The following TBC1D15 variants were observed in gnomAD, a reference collection of about 807,000 sequenced individuals.
The protein encoded by TBC1D15 is GAP for RAB7.
A neutral mutation model predicts 95.4 loss-of-function variants in TBC1D15; 39 were observed. The ratio of observed to expected loss-of-function variants is 0.41; its 90% CI spans 0.32 to 0.53. TBC1D15 has a LOEUF of 0.53. Ranked by LOEUF, TBC1D15 falls within the 20% of genes least tolerant of loss-of-function variation. The pLI, the probability that TBC1D15 is intolerant of heterozygous loss-of-function variation, is 0.29. For synonymous variants in TBC1D15, 258 were observed against 261.3 expected, an observed-to-expected ratio of 0.99 and a Z score of 0.12; for missense variants, 733 against 794.3, an observed-to-expected ratio of 0.92 and a Z score of 0.93.
chr12:71,877,540 C>T (rs1387489822), intron 3 of TBC1D15, among the ~76,000 whole-genome samples: 3 of 124,798 alleles, frequency 2.4e-5, no homozygotes, highest in African/African-American at 7.8e-5. Flanking sequence ...TCCTTCCTTC[C>T]TTCCTTCCTT....
intron 11 of TBC1D15, among the ~76,000 whole-genome samples, chr12:71,910,025 A>G (rs1219938343): frequency 6.6e-6 from 1 of 152,034 alleles, no homozygotes; most frequent in African/African-American, 2.4e-5. Flanking sequence ...ATCCATCTTG[A>G]ATTAATTTTT....
intron 1 of TBC1D15, among the ~76,000 whole-genome samples, chr12:71,864,355 A>G (rs1236285247): frequency 1.3e-5 from 2 of 152,100 alleles, no homozygotes; most frequent in African/African-American, 2.4e-5. Context: ...GGTGTGAGCT[A>G]CTGCACCCGG....
Position 71,918,754 on chromosome 12 carries a change from T to C in TBC1D15, c.1599+206T>C, listed in dbSNP as rs1170032268. ...TGGAGCTTCGTTCTTCAAATCACAA[T>C]CTCTGTGAGATTTGGGGCCAAGAGG... On this transcript the variant is annotated intron_variant, in intron 14 of 16. Coordinates refer to ENST00000485960, the MANE Select transcript of TBC1D15 (RefSeq NM_001146213.3). 2.0e-5 allele frequency among the ~76,000 whole-genome samples: 3 copies of C among 152,338 alleles called. No homozygotes were observed. In the East Asian group the frequency reaches 5.8e-4, roughly 29 times the overall value.
rs755022411 is a variant in TBC1D15 at position 71,894,825 on chromosome 12, C to G, written c.797C>G (p.Ala266Gly). Residue 266 changes from alanine (A) to glycine (G), a missense_variant, in exon 7 of 17, where the codon GCT (alanine) becomes GGT (glycine). Coordinates refer to ENST00000485960, the MANE Select transcript of TBC1D15 (RefSeq NM_001146213.3). ...PSEMADFLSD[A>G]IPGLKINQQE... ...GAAATGGCAGATTTTCTTAGTGATGCTATTCCAGGTCTAAAGATAAATCAA... is the reference window on the plus strand; with the variant it reads ...GAAATGGCAGATTTTCTTAGTGATGGTATTCCAGGTCTAAAGATAAATCAA... The G allele has an allele frequency of 1.9e-6, 3 of 1,613,144 alleles. No homozygotes were observed. Among genetic ancestry groups the G allele is most frequent in the South Asian group, 2.2e-5 (2 of 91,042 alleles).
At chr12:71,887,251 A>T (rs1025049618) in intron 5 of TBC1D15, among the ~76,000 whole-genome samples, 2 of 152,148 alleles carry the variant, frequency 1.3e-5, no homozygotes, top group Admixed American at 6.5e-5. Flanking sequence ...TTTTTACTTG[A>T]TCAACTATCA....
intron 5 of TBC1D15, among the ~76,000 whole-genome samples, chr12:71,886,318 G>C (rs1031768202): frequency 6.6e-6 from 1 of 152,064 alleles, no homozygotes; most frequent in East Asian, 1.9e-4. Flanking sequence ...ACAGGCGTGC[G>C]CCACCACGGT....
intron 5 of TBC1D15, among the ~76,000 whole-genome samples, chr12:71,888,823 G>C (rs1203648293): frequency 6.7e-6 from 1 of 150,194 alleles, no homozygotes; most frequent in Non-Finnish European, 1.5e-5. Context: ...TGAAGCCATA[G>C]AATGTTCCTT....
At chr12:71,910,184 T>C (rs1218752515) in intron 11 of TBC1D15, among the ~76,000 whole-genome samples, 1 of 152,050 alleles carries the variant, frequency 6.6e-6, no homozygotes, top group Non-Finnish European at 1.5e-5. Flanking sequence ...ATATGCGACG[T>C]TATTTCTGAG....
chr12:71,912,489 C>T (rs1902633997), intron 11 of TBC1D15, among the ~76,000 whole-genome samples: 1 of 152,062 alleles, frequency 6.6e-6, no homozygotes, highest in African/African-American at 2.4e-5. Flanking sequence ...TGAGCTGAAA[C>T]TTTATTTGTA....
intron 1 of TBC1D15, among the ~76,000 whole-genome samples, chr12:71,851,142 G>A (rs150301392): frequency 2.4e-4 from 37 of 152,188 alleles, no homozygotes; most frequent in Middle Eastern, 3.4e-3. Context: ...TACATTCATG[G>A]TGGAAGGCAA....
chr12:71,857,757 CAT>C (rs1240762594), intron 1 of TBC1D15, among the ~76,000 whole-genome samples: 4 of 152,166 alleles, frequency 2.6e-5, no homozygotes, highest in Admixed American at 2.0e-4. Flanking sequence ...TTAATTATAT[CAT>C]GTGATAGTGC....
intron 3 of TBC1D15, among the ~76,000 whole-genome samples, chr12:71,877,950 A>G (rs749712505): frequency 1.3e-5 from 2 of 152,194 alleles, no homozygotes; most frequent in Non-Finnish European, 2.9e-5. Context: ...CAGATGCACA[A>G]CAGTGATTAT....
chr12:71,880,291 CTT>C (rs534954705), intron 3 of TBC1D15, among the ~76,000 whole-genome samples, 176 bp from the exon 4 acceptor site: 12 of 136,558 alleles, frequency 8.8e-5, no homozygotes, highest in South Asian at 2.4e-4. Flanking sequence ...GCTTCTCTTC[CTT>C]TTTTTTTTTT....
At chr12:71,894,985 A>G in intron 7 of TBC1D15, 102 bp downstream of exon 7, 1 of 1,139,466 alleles carries the variant, frequency 8.8e-7, no homozygotes, top group Non-Finnish European at 1.2e-6. Context: ...TCTTTCCATA[A>G]TCTGTTCTTA....
intron 10 of TBC1D15, among the ~76,000 whole-genome samples, chr12:71,905,411 A>G (rs1023080297): frequency 2.6e-5 from 4 of 152,002 alleles, no homozygotes; most frequent in Admixed American, 2.6e-4. Flanking sequence ...CTGCAGCCTC[A>G]ACTTCCTGGG....
chr12:71,849,258 C>T (rs1001079477), intron 1 of TBC1D15: 30 of 667,932 alleles, frequency 4.5e-5, no homozygotes, highest in Non-Finnish European at 7.6e-5. Flanking sequence ...GATCCAAGTG[C>T]ATCAGGTCTG....
At position 71,893,376 on chromosome 12, in the gene TBC1D15, C is replaced by G. The variant is rs561768184; in HGVS notation, c.657+52C>G. 6 of 1,290,778 alleles carry G rather than the reference C, an allele frequency of 4.6e-6. No individual in the cohort carries two copies. In the East Asian group the frequency reaches 1.4e-4, roughly 31 times the overall value. The allele number at this position is 1,290,778 out of a possible 1,614,324, so 80.0% of individuals were successfully genotyped here. On this transcript the variant is annotated intron_variant, in intron 6 of 16. Coordinates refer to ENST00000485960, the MANE Select transcript of TBC1D15 (RefSeq NM_001146213.3). ...TATTCTGACTGCATTATTTTATATA[C>G]CCTGTACTTCTCATCTTCTCAGAGA...
At chr12:71,880,648 C>T (rs1282617656) in intron 4 of TBC1D15, 41 bp downstream of exon 4, 1 of 1,563,982 alleles carries the variant, frequency 6.4e-7, no homozygotes, top group East Asian at 2.3e-5. Flanking sequence ...TGATTTGCTA[C>T]AGTATACTAA....
chr12:71,850,278 A>G, intron 1 of TBC1D15: 1 of 509,974 alleles, frequency 2.0e-6, no homozygotes, highest in South Asian at 1.7e-5. Context: ...AAATTTTGTC[A>G]TGGTAAATAC....
Sources: gnomAD v4.1 joint callset for allele counts (sites outside exome capture counted in the v4.1 genomes callset) on GRCh38, gnomAD v4.1.1 for gene constraint, MANE v1.5 for transcripts, NCBI Gene and HGNC (gene_info 2026-07-23, HGNC 2026-07-21) for gene names.